Variants in HIBCH observed in about 807,000 individuals in gnomAD.
HIBCH encodes the protein 3-hydroxyisobutyryl-CoA hydrolase.
Under a neutral mutation model 58.2 loss-of-function variants are expected in HIBCH, and 50 were observed. That is an observed-to-expected ratio of 0.86 (90% confidence interval 0.68 to 1.09). The LOEUF (loss-of-function observed/expected upper bound fraction) is 1.09, where lower values mean the gene tolerates loss of function less well. Among genes scored for constraint, HIBCH ranks in the 50% least tolerant of loss-of-function variants. HIBCH has a pLI of 0.00. For missense variants in HIBCH, 450 were observed against 449.7 expected, an observed-to-expected ratio of 1.00 and a Z score of -0.01; for synonymous variants, 151 against 146.9, an observed-to-expected ratio of 1.03 and a Z score of -0.20.
intron 8 of HIBCH, 63 bp downstream of exon 8, chr2:190,252,099 T>C (rs1421304761): frequency 6.6e-7 from 1 of 1,505,962 alleles, no homozygotes; most frequent in South Asian, 1.1e-5. Context: ...CCATTGTACC[T>C]TCCCATGCAC....
intron 10 of HIBCH, chr2:190,245,259 G>C (rs377648933): frequency 6.6e-5 from 22 of 331,314 alleles, no homozygotes; most frequent in South Asian, 6.0e-4. Flanking sequence ...CTAAATTGTA[G>C]AGATGGTTGT....
At chr2:190,313,446 G>A (rs931188822) in intron 1 of HIBCH, among the ~76,000 whole-genome samples, 6 of 152,010 alleles carry the variant, frequency 3.9e-5, no homozygotes, top group Non-Finnish European at 7.4e-5. Context: ...GTGTGCTCTC[G>A]CCATTGTTCC....
chr2:190,269,103 A>C (rs532750216), intron 6 of HIBCH, among the ~76,000 whole-genome samples: 1 of 152,332 alleles, frequency 6.6e-6, no homozygotes, highest in Middle Eastern at 3.4e-3. Context: ...TAAAGACTTA[A>C]ACGTAAGACC....
At chr2:190,221,113 A>G (rs1685707290) in intron 11 of HIBCH, among the ~76,000 whole-genome samples, 2 of 152,340 alleles carry the variant, frequency 1.3e-5, no homozygotes, top group South Asian at 4.1e-4. Context: ...ACACACACAA[A>G]TAGGAAGAAA....
chr2:190,199,412 C>T (rs764111477), downstream of HIBCH, among the ~76,000 whole-genome samples: 2 of 143,738 alleles, frequency 1.4e-5, no homozygotes, highest in African/African-American at 2.9e-5. Flanking sequence ...TCTAAGCTAG[C>T]AAAAATTGAA....
At chr2:190,276,482 G>A (rs937017277) in intron 6 of HIBCH, among the ~76,000 whole-genome samples, 1 of 152,178 alleles carries the variant, frequency 6.6e-6, no homozygotes, top group African/African-American at 2.4e-5. Context: ...CCAAATGGAA[G>A]GTGTGGTCAT....
intron 1 of HIBCH, among the ~76,000 whole-genome samples, chr2:190,198,288 A>G (rs575710473): frequency 1.3e-5 from 2 of 152,168 alleles, no homozygotes; most frequent in Non-Finnish European, 2.9e-5. Flanking sequence ...TCCTCTGGAC[A>G]TCCTTAATTA....
rs577775850 is a variant in HIBCH, at chr2:190,223,326, C to T, written c.892-10251G>A. ...TGTTGCCCAGGCTGGCCTCAAACTC[C>T]AGGGCTCAAGGGATCCTCCCACCTC... On this transcript the variant is annotated intron_variant, in intron 11 of 13. Coordinates refer to ENST00000359678, the MANE Select transcript of HIBCH (RefSeq NM_014362.4). 2.0e-5 allele frequency among the ~76,000 whole-genome samples: 3 copies of T among 152,280 alleles called. No individual in the cohort carries two copies. In the South Asian group the frequency reaches 6.2e-4, roughly 32 times the overall value.
intron 11 of HIBCH, among the ~76,000 whole-genome samples, chr2:190,241,783 T>C (rs1452894810): frequency 6.6e-6 from 1 of 152,226 alleles, no homozygotes; most frequent in Non-Finnish European, 1.5e-5. Flanking sequence ...GAATGTTGAA[T>C]ATTGGCCCCC....
At chr2:190,193,271 T>G (rs976271456) in intron 1 of HIBCH, among the ~76,000 whole-genome samples, 1 of 152,142 alleles carries the variant, frequency 6.6e-6, no homozygotes, top group Non-Finnish European at 1.5e-5. Context: ...CTTTGGAATA[T>G]CCTTGAATTT....
chr2:190,229,930 G>C (rs1029852813), intron 11 of HIBCH, among the ~76,000 whole-genome samples: 1 of 151,992 alleles, frequency 6.6e-6, no homozygotes, highest in Non-Finnish European at 1.5e-5. Flanking sequence ...AAATTGACAG[G>C]TAGCAAAAGT....
chr2:190,234,653 C>T (rs1216226259), intron 11 of HIBCH, among the ~76,000 whole-genome samples: 1 of 152,038 alleles, frequency 6.6e-6, no homozygotes. Context: ...AGTTCAAGAC[C>T]AGCCTGACTA....
intron 6 of HIBCH, among the ~76,000 whole-genome samples, chr2:190,265,045 C>T: frequency 6.8e-6 from 1 of 146,004 alleles, no homozygotes; most frequent in South Asian, 2.1e-4. Context: ...ATTGCTTGAA[C>T]CTGGGAGGTG....
At chr2:190,202,312 T>C (rs187529012), downstream of HIBCH, 7 of 167,196 alleles carry the variant, frequency 4.2e-5, no homozygotes, top group Admixed American at 1.3e-4. Context: ...GAAACACTTA[T>C]GTCTGAAATA....
Position 190,287,572 on chromosome 2 carries a change from A to G in HIBCH, c.438+14T>C. 1 of 1,565,076 alleles carries G rather than the reference A, an allele frequency of 6.4e-7. No individual in the cohort carries two copies. Among genetic ancestry groups the G allele is most frequent in the South Asian group, 1.1e-5 (1 of 89,992 alleles). The stretch of plus-strand genomic sequence containing the variant: ...ACTCACTCATACAATGATCAGAGTA[A>G]AAAGTCTACTTACCCCACCCATTGT... On this transcript the variant is annotated intron_variant, in intron 6 of 13. Coordinates refer to ENST00000359678, the MANE Select transcript of HIBCH (RefSeq NM_014362.4).
At chr2:190,201,947 G>T, downstream of HIBCH, 1 of 167,110 alleles carries the variant, frequency 6.0e-6, no homozygotes. Context: ...CATTTTTGCT[G>T]CAAGGTCATC....
intron 11 of HIBCH, among the ~76,000 whole-genome samples, chr2:190,242,032 C>G (rs1244476470): frequency 2.0e-5 from 3 of 152,142 alleles, no homozygotes; most frequent in African/African-American, 7.2e-5. Context: ...TGGGGAAGTT[C>G]TCCTGCACAA....
intron 6 of HIBCH, among the ~76,000 whole-genome samples, chr2:190,276,592 A>G (rs995499280): frequency 3.3e-5 from 5 of 152,200 alleles, no homozygotes; most frequent in African/African-American, 4.8e-5. Context: ...AAAAGAATGT[A>G]GCACCTTCTC....
Position 190,207,156 on chromosome 2 carries a change from T to C in HIBCH, c.1045+1724A>G, listed in dbSNP as rs1236875856. Among the ~76,000 whole-genome samples the C allele has an allele frequency of 3.3e-5, 5 of 152,116 alleles. No homozygotes were observed. Among genetic ancestry groups the C allele is most frequent in the Admixed American group, 6.5e-5 (1 of 15,274 alleles). The stretch of plus-strand genomic sequence containing the variant: ...AACAAAACAAAAAAAAGTCGTATAA[T>C]AAGCACTTCCTTTATGAATCAGAAC... On this transcript the variant is annotated intron_variant, in intron 13 of 13. Transcript: ENST00000359678. This position sits in a 1 kb window ranked among gnomAD's most constrained non-coding sequence, Gnocchi z 4.5.
Sources: allele counts gnomAD v4.1 joint callset (sites outside exome capture counted in the v4.1 genomes callset), GRCh38; gene constraint gnomAD v4.1.1; non-coding constraint Gnocchi (gnomAD v3.1); transcripts MANE v1.5; gene names NCBI Gene and HGNC (gene_info 2026-07-23, HGNC 2026-07-21).